The following GRIK5 variants were observed in gnomAD, a reference collection of about 807,000 sequenced individuals.
GRIK5 encodes the protein glutamate receptor ionotropic, kainate 5.
In GRIK5, 43 loss-of-function variants were observed where a neutral mutation model predicts 97.4. The observed-to-expected ratio is 0.44, with a 90% CI of 0.35 to 0.57. GRIK5 has a LOEUF of 0.57. Among genes scored for constraint, GRIK5 ranks in the 20% least tolerant of loss-of-function variants. The pLI is 0.01. For missense variants in GRIK5, 1,015 were observed against 1,382.0 expected (o/e 0.73, Z 4.21); for synonymous variants, 580 against 583.5 (o/e 0.99, Z 0.09).
At chr19:42,008,411 G>C (rs1555873296) in intron 15 of GRIK5, among the ~76,000 whole-genome samples, 1 of 152,134 alleles carries the variant, frequency 6.6e-6, no homozygotes, top group African/African-American at 2.4e-5. Context: ...CGGATTGCTT[G>C]AGGCCAGGAG....
intron 16 of GRIK5, 37 bp from the exon 17 acceptor site, chr19:42,005,985 C>T (rs1315666002): frequency 9.4e-7 from 1 of 1,062,534 alleles, no homozygotes; most frequent in African/African-American, 1.6e-5. Context: ...ATGGGAGGGT[C>T]TTTCCAGCCG....
At chr19:42,017,084 A>G (rs1231895579) in intron 15 of GRIK5, among the ~76,000 whole-genome samples, 1 of 151,980 alleles carries the variant, frequency 6.6e-6, no homozygotes, top group African/African-American at 2.4e-5. Flanking sequence ...TCTGACAGCA[A>G]CTCCACTCGA....
At chr19:42,005,650 G>A (rs2075480330) in intron 17 of GRIK5, 73 bp downstream of exon 17, 8 of 1,066,434 alleles carry the variant, frequency 7.5e-6, no homozygotes, top group East Asian at 2.6e-5. Context: ...TGCCTGGCCC[G>A]GTCCTGGGCC....
chr19:42,068,260 G>C (rs953849590), intron 1 of GRIK5, among the ~76,000 whole-genome samples: 2 of 152,282 alleles, frequency 1.3e-5, no homozygotes, highest in Non-Finnish European at 2.9e-5. Context: ...ACCTGCAGGA[G>C]AGGCCAGACC....
chr19:42,019,025 G>C (rs2075665281), intron 15 of GRIK5, among the ~76,000 whole-genome samples: 1 of 152,228 alleles, frequency 6.6e-6, no homozygotes, highest in Non-Finnish European at 1.5e-5. Context: ...AGGGCCAAAG[G>C]CTCCGATGAG....
At chr19:42,057,056 AAG>A in intron 6 of GRIK5, 78 bp from the exon 7 acceptor site, 1 of 1,108,882 alleles carries the variant, frequency 9.0e-7, no homozygotes, top group Admixed American at 2.0e-5. Context: ...TCAAGAGAAG[AAG>A]AGAGATTTAG....
chr19:42,022,448 A>G lies in GRIK5; in HGVS notation c.1474-94T>C. The stretch of plus-strand genomic sequence containing the variant: ...GAAATGCACGGAGAGTGAGCAACTG[A>G]GGGAGGCGAGAGAGAGAGAGGTAGG... On this transcript the variant is annotated intron_variant, in intron 12 of 19. Transcript: ENST00000593562. The surrounding 1 kb of genome is among the most constrained non-coding windows in gnomAD (Gnocchi z 4.2). 2.1e-6 allele frequency: 3 copies of G among 1,399,276 alleles called. No homozygotes were observed. The highest frequency in any genetic ancestry group is 2.1e-5 in the Admixed American group (1 of 47,894). The allele number at this position is 1,399,276 out of a possible 1,614,324, so 86.7% of individuals were successfully genotyped here.
rs2075486150 is a variant in GRIK5 at position 42,006,067 on chromosome 19, G to A, written c.2038-119C>T. The A allele has an allele frequency of 1.1e-5, 7 of 660,446 alleles. No individual in the cohort carries two copies. Among genetic ancestry groups the A allele is most frequent in the South Asian group, 8.6e-5 (5 of 57,818 alleles). 40.9% of individuals were successfully genotyped at this position (660,446 alleles called of 1,614,324 possible). On this transcript the variant is annotated intron_variant, in intron 16 of 19. Transcript: ENST00000593562. The surrounding 1 kb of genome is among the most constrained non-coding windows in gnomAD (Gnocchi z 5.3). ...CCCAGGAGAATGCAAGGTGATCAAAGGAAGACAGAGCCAAAGGTAGAGGAG... is the reference window on the plus strand; with the variant it reads ...CCCAGGAGAATGCAAGGTGATCAAAAGAAGACAGAGCCAAAGGTAGAGGAG...
intron 1 of GRIK5, chr19:42,069,028 G>A (rs976029622): frequency 1.2e-5 from 6 of 509,300 alleles, no homozygotes; most frequent in Admixed American, 7.1e-5. Context: ...GGCCAGGGGC[G>A]GCAGTGAGCT....
intron 11 of GRIK5, among the ~76,000 whole-genome samples, chr19:42,049,446 A>G (rs2076084559): frequency 6.6e-6 from 1 of 152,200 alleles, no homozygotes. Flanking sequence ...AGTACATTCA[A>G]CATACAACAA....
At chr19:42,063,301 TTCC>T (rs1217989501) in intron 3 of GRIK5, 3 of 457,670 alleles carry the variant, frequency 6.6e-6, no homozygotes, top group Non-Finnish European at 1.3e-5. Context: ...CTGCACTTAC[TTCC>T]TCCTCTTTCT....
chr19:42,003,555 C>T lies in GRIK5; in HGVS notation c.2392G>A (p.Gly798Ser). 1 of 1,609,954 alleles carries T rather than the reference C, an allele frequency of 6.2e-7. No individual in the cohort carries two copies. Among genetic ancestry groups the T allele is most frequent in the Non-Finnish European group, 8.5e-7 (1 of 1,177,810 alleles). ...GGGGACACCATACGCGGGAACTGAC[C>T]TTTAGCTCGATGGTCCTCCTCCTTG... Reference protein sequence around the residue: ...CPKEEDHRAKGLGMENIGGIF... With the variant: ...CPKEEDHRAKSLGMENIGGIF... The change falls in exon 18 of 20, where the codon GGT becomes AGT. Residue 798 changes from glycine (G) to serine (S), a missense_variant and splice_region_variant. This residue lies in a region of GRIK5 where 229 missense variants were observed against 341.0 expected (regional missense o/e 0.67). Coordinates refer to ENST00000593562, the MANE Select transcript of GRIK5 (RefSeq NM_002088.5). The surrounding 1 kb of genome is among the most constrained non-coding windows in gnomAD (Gnocchi z 4.2).
intron 6 of GRIK5, among the ~76,000 whole-genome samples, chr19:42,057,902 GT>G (rs1162456698): frequency 2.0e-5 from 3 of 152,192 alleles, no homozygotes; most frequent in Non-Finnish European, 4.4e-5. Context: ...ACCCAAGTCT[GT>G]CCCCCCACGA....
intron 3 of GRIK5, among the ~76,000 whole-genome samples, chr19:42,064,670 C>A (rs191914244): frequency 1.3e-5 from 2 of 152,322 alleles, no homozygotes; most frequent in African/African-American, 4.8e-5. Context: ...AGGAAAGAAA[C>A]CTGTCTAAAA....
chr19:42,065,019 A>T lies in GRIK5; in HGVS notation c.244+204T>A, dbSNP rs1054848191. ...ACGCCGCCCCGTGCTCCTCCAGAGC[A>T]GAACTGGGGCTTATGCTCTCCCTCC... On this transcript the variant is annotated intron_variant, in intron 3 of 19. Coordinates refer to ENST00000593562, the MANE Select transcript of GRIK5 (RefSeq NM_002088.5). This position sits in a 1 kb window ranked among gnomAD's most constrained non-coding sequence, Gnocchi z 5.8. Among the ~76,000 whole-genome samples, 6 of 152,258 alleles carry T rather than the reference A, an allele frequency of 3.9e-5. No homozygotes were observed. Among genetic ancestry groups the T allele is most frequent in the Non-Finnish European group, 8.8e-5 (6 of 68,044 alleles).
At chr19:42,037,770 C>T (rs2075926465) in intron 12 of GRIK5, among the ~76,000 whole-genome samples, 1 of 152,054 alleles carries the variant, frequency 6.6e-6, no homozygotes, top group African/African-American at 2.4e-5. Context: ...CCTGACTCTC[C>T]CCAAGAGCAG....
In GRIK5 at chr19:41,998,843, C is replaced by T; in HGVS notation, c.*28G>A. The T allele has an allele frequency of 9.1e-7, 1 of 1,101,516 alleles. No individual in the cohort carries two copies. The highest frequency in any genetic ancestry group is 1.1e-6 in the Non-Finnish European group (1 of 900,124). The allele number at this position is 1,101,516 out of a possible 1,614,324, so 68.2% of individuals were successfully genotyped here. On this transcript the variant is annotated 3_prime_UTR_variant, in exon 20 of 20. Transcript: ENST00000593562. ...GGCGGGCCCCGTCCCTTCGGTCAGTCCGGGCGCCCGCACAGCCCCGCCCGT... is the reference window on the plus strand; with the variant it reads ...GGCGGGCCCCGTCCCTTCGGTCAGTTCGGGCGCCCGCACAGCCCCGCCCGT...
intron 8 of GRIK5, among the ~76,000 whole-genome samples, 198 bp downstream of exon 8, chr19:42,056,464 C>T (rs1159575507): frequency 2.0e-5 from 3 of 151,956 alleles, no homozygotes; most frequent in South Asian, 2.1e-4. Context: ...AGAGGCACCT[C>T]GAGGAGCTGG....
intron 15 of GRIK5, among the ~76,000 whole-genome samples, chr19:42,018,477 G>A (rs2075654848): frequency 2.6e-5 from 4 of 150,972 alleles, no homozygotes; most frequent in South Asian, 2.1e-4. Context: ...TGGCCAACAC[G>A]GCAACACCCC....
Sources: allele counts gnomAD v4.1 joint callset (sites outside exome capture counted in the v4.1 genomes callset), GRCh38; gene constraint gnomAD v4.1.1; regional missense constraint gnomAD v4.1.1; non-coding constraint Gnocchi (gnomAD v3.1); transcripts MANE v1.5; gene names NCBI Gene and HGNC (gene_info 2026-07-23, HGNC 2026-07-21).